Variants in EDDM13 observed in about 807,000 individuals in gnomAD.
The protein encoded by EDDM13 is epididymal protein 13.
Under a neutral mutation model 17.8 loss-of-function variants are expected in EDDM13, and 24 were observed. The observed-to-expected ratio is 1.35, with a 90% CI of 0.98 to 1.90. The LOEUF (loss-of-function observed/expected upper bound fraction) is 1.90. Ranked by LOEUF, EDDM13 falls within the 40% of genes most tolerant of loss-of-function variation. The pLI is 0.00. For synonymous variants in EDDM13, 31 were observed against 37.5 expected (o/e 0.83, Z 0.63); for missense variants, 97 against 100.8 (o/e 0.96, Z 0.16).
chr19:56,290,421 G>A (rs1342991563), intron 8 of EDDM13, among the ~76,000 whole-genome samples: 1 of 152,218 alleles, frequency 6.6e-6, no homozygotes, highest in Non-Finnish European at 1.5e-5. Flanking sequence ...TGACCCTTTA[G>A]AGGTCAGACA....
intron 4 of EDDM13, 147 bp from the exon 5 acceptor site, chr19:56,284,051 C>T: frequency 3.0e-6 from 1 of 338,782 alleles, no homozygotes; most frequent in Non-Finnish European, 4.2e-6. Flanking sequence ...GATTCTACTT[C>T]CCAATCTGTT....
rs1379974819 is a variant in EDDM13, at chr19:56,272,763, G to A, written c.-72G>A. ...AGTTAGTTTTGTCCCTGGAGCCTGG[G>A]AAGACGGTGGGTGACCAGAGAGTCC... On this transcript the variant is annotated 5_prime_UTR_variant, in exon 1 of 15. Coordinates refer to ENST00000649256, the MANE Select transcript of EDDM13 (RefSeq NM_001354658.2). 5.1e-6 allele frequency: 3 copies of A among 586,534 alleles called. No homozygotes were observed. The highest frequency in any genetic ancestry group is 4.0e-5 in the African/African-American group (2 of 49,428). The allele number at this position is 586,534 out of a possible 1,614,324, so 36.3% of individuals were successfully genotyped here.
intron 12 of EDDM13, 110 bp downstream of exon 12, chr19:56,297,641 G>A: frequency 3.4e-6 from 2 of 596,010 alleles, no homozygotes; most frequent in Non-Finnish European, 4.2e-6. Context: ...AGGCCCTGCA[G>A]GGGCTTTGGT....
At chr19:56,304,523 C>A (rs1217182463) in intron 13 of EDDM13, among the ~76,000 whole-genome samples, 1 of 152,162 alleles carries the variant, frequency 6.6e-6, no homozygotes, top group Non-Finnish European at 1.5e-5. Flanking sequence ...CGTCAGGAAC[C>A]TGAGGCTGAG....
At chr19:56,305,743 G>C (rs11882259) in intron 14 of EDDM13, among the ~76,000 whole-genome samples, 82,463 of 151,874 alleles carry the variant, frequency 0.54, 22,699 homozygotes, top group Middle Eastern at 0.72. Context: ...AGGAAAAGCT[G>C]AGGATATGAT....
At chr19:56,275,422 C>T (rs114524515) in intron 1 of EDDM13, among the ~76,000 whole-genome samples, 1,592 of 152,150 alleles carry the variant, frequency 0.01, 27 homozygotes, top group African/African-American at 0.037. Context: ...TTTATATCAG[C>T]GTGAACTCAG....
At chr19:56,281,329 C>T (rs1322001286) in intron 2 of EDDM13, among the ~76,000 whole-genome samples, 1 of 149,396 alleles carries the variant, frequency 6.7e-6, no homozygotes, top group Non-Finnish European at 1.5e-5. Context: ...GTAGTTCAAA[C>T]CTGTATTGTT....
At chr19:56,276,560 C>T (rs1183292493) in intron 2 of EDDM13, among the ~76,000 whole-genome samples, 6 of 116,328 alleles carry the variant, frequency 5.2e-5, no homozygotes, top group Admixed American at 9.6e-5. Context: ...ATTTTTGAGA[C>T]GAGCCTCGCT....
Position 56,284,205 on chromosome 19 carries a change from A to C in EDDM13, c.126A>C (p.Ile42=), listed in dbSNP as rs903263078. The change falls in exon 5 of 15, where the codon ATA becomes ATC. Residue 42 remains isoleucine, a splice_region_variant and synonymous_variant. Transcript: ENST00000649256. ...TGGATGGGCTGCCATCAGGGATCAT[A>C]GGTAAGTACCTTGCCACTTCACAAT... ...KEKINLLKGI[I]GLMSRLSPDG... 6 of 984,998 alleles carry C rather than the reference A, an allele frequency of 6.1e-6. No homozygotes were observed. Among genetic ancestry groups the C allele is most frequent in the Non-Finnish European group, 7.2e-6 (6 of 829,752 alleles). 61.0% of individuals were successfully genotyped at this position (984,998 alleles called of 1,614,324 possible).
intron 2 of EDDM13, among the ~76,000 whole-genome samples, 195 bp from the exon 3 acceptor site, chr19:56,281,498 T>G (rs944438303): frequency 7.9e-5 from 12 of 152,316 alleles, no homozygotes; most frequent in Admixed American, 2.6e-4. Context: ...CAAATTTATG[T>G]GACAAACTAC....
intron 1 of EDDM13, among the ~76,000 whole-genome samples, chr19:56,273,852 T>C (rs115099495): frequency 0.016 from 2,489 of 152,228 alleles, 28 homozygotes; most frequent in South Asian, 0.05. Context: ...AGGAGTGTCA[T>C]ATTTAGGAGC....
intron 13 of EDDM13, among the ~76,000 whole-genome samples, chr19:56,304,296 T>G (rs949026003): frequency 3.3e-5 from 5 of 152,128 alleles, no homozygotes; most frequent in Non-Finnish European, 7.4e-5. Flanking sequence ...ACCAGGGAGA[T>G]GAGCCTGAGA....
chr19:56,284,009 C>A, intron 4 of EDDM13, 189 bp from the exon 5 acceptor site: 1 of 166,142 alleles, frequency 6.0e-6, no homozygotes, highest in Non-Finnish European at 1.2e-5. Context: ...GAGTCTTAGT[C>A]CCTGACTGCT....
chr19:56,302,045 G>A lies in EDDM13; in HGVS notation c.373G>A (p.Ala125Thr), dbSNP rs1251102440. ...RKNTWNFLKC[A>T]YMVMTYLFVS... ...GAACACGTGGAACTTCCTGAAATGCGCCTACATGGTGATGACCTACCTCTT... is the reference window on the plus strand; with the variant it reads ...GAACACGTGGAACTTCCTGAAATGCACCTACATGGTGATGACCTACCTCTT... Residue 125 changes from alanine to threonine, a missense_variant, in exon 13 of 15, where the codon GCC (alanine) becomes ACC (threonine). Transcript: ENST00000649256. 26 of 1,231,932 alleles carry A rather than the reference G, an allele frequency of 2.1e-5. No homozygotes were observed. The highest frequency in any genetic ancestry group is 2.6e-5 in the Non-Finnish European group (26 of 988,178). The allele number at this position is 1,231,932 out of a possible 1,614,324, so 76.3% of individuals were successfully genotyped here.
chr19:56,300,247 T>A (rs1397091182), intron 12 of EDDM13, among the ~76,000 whole-genome samples: 3 of 152,114 alleles, frequency 2.0e-5, no homozygotes, highest in Admixed American at 6.5e-5. Flanking sequence ...ATTTCACCCT[T>A]TTATATAGCC....
chr19:56,289,468 G>T lies in EDDM13; in HGVS notation c.226+577G>T, dbSNP rs544895733. Among the ~76,000 whole-genome samples, 19 of 152,250 alleles carry T rather than the reference G, an allele frequency of 1.2e-4. No individual in the cohort carries two copies. In the South Asian group the frequency reaches 1.5e-3, roughly 12 times the overall value. On this transcript the variant is annotated intron_variant, in intron 8 of 14. Coordinates refer to ENST00000649256, the MANE Select transcript of EDDM13 (RefSeq NM_001354658.2). Reference sequence around the variant, plus strand: ...ACAGACGTATTTATACTCTAGTTCGGGTAAGACGGAGAGAGACCCCTCTTC... The same window carrying T: ...ACAGACGTATTTATACTCTAGTTCGTGTAAGACGGAGAGAGACCCCTCTTC...
intron 7 of EDDM13, among the ~76,000 whole-genome samples, chr19:56,288,661 TAG>T (rs2039304070): frequency 6.6e-6 from 1 of 152,172 alleles, no homozygotes; most frequent in Non-Finnish European, 1.5e-5. Flanking sequence ...AAACATTTGT[TAG>T]AAGGCGTGAC....
At chr19:56,298,180 G>A (rs903311647) in intron 12 of EDDM13, 11 of 152,052 alleles carry the variant, frequency 7.2e-5, no homozygotes, top group African/African-American at 2.7e-4. Flanking sequence ...GAAACAAACT[G>A]CCAATATTTG....
intron 2 of EDDM13, among the ~76,000 whole-genome samples, chr19:56,277,949 A>G (rs545773149): frequency 6.6e-6 from 1 of 152,344 alleles, no homozygotes; most frequent in Admixed American, 6.5e-5. Flanking sequence ...ACATACTGAC[A>G]TAAATAAAAT....
Sources: gnomAD v4.1 joint callset for allele counts (sites outside exome capture counted in the v4.1 genomes callset) on GRCh38, gnomAD v4.1.1 for gene constraint, MANE v1.5 for transcripts, NCBI Gene and HGNC (gene_info 2026-07-23, HGNC 2026-07-21) for gene names.